NAA25: variants seen among roughly 807,000 people sequenced by gnomAD.
The protein encoded by NAA25 is N-alpha-acetyltransferase 25, NatB auxiliary subunit, also known as N-terminal acetyltransferase B complex subunit NAA25.
Under a neutral mutation model 132.5 loss-of-function variants are expected in NAA25, and 30 were observed. The ratio of observed to expected loss-of-function variants is 0.23; its 90% CI spans 0.17 to 0.31. NAA25 has a LOEUF of 0.31. NAA25 is among the 10% of genes least tolerant of loss of function. NAA25 has a pLI of 1.00. For missense variants in NAA25, 771 were observed against 1,150.4 expected, an observed-to-expected ratio of 0.67 and a Z score of 4.77; for synonymous variants, 359 against 401.9, an observed-to-expected ratio of 0.89 and a Z score of 1.28.
At position 112,033,167 on chromosome 12, in the gene NAA25, T is replaced by TGA. The variant is rs374045150; in HGVS notation, c.2796+64_2796+65dup. On this transcript the variant is annotated intron_variant, in intron 23 of 23. Coordinates refer to ENST00000261745, the MANE Select transcript of NAA25 (RefSeq NM_024953.4). ...CTTTAACTTGTCCTTGTGATAAAGA[T>TGA]GAGAGAGAGAGACAGAGTGTTTGTG... is the stretch of plus-strand genomic sequence containing the variant. 2.8e-5 allele frequency: 41 copies of TGA among 1,450,236 alleles called. No individual in the cohort carries two copies. In the East Asian group the frequency reaches 2.9e-4, roughly 10 times the overall value. The allele number at this position is 1,450,236 out of a possible 1,614,324, so 89.8% of individuals were successfully genotyped here.
chr12:112,029,282 G>T lies in NAA25; in HGVS notation c.*249C>A. 1 of 435,720 alleles carries T rather than the reference G, an allele frequency of 2.3e-6. No individual in the cohort carries two copies. 27.0% of individuals were successfully genotyped at this position (435,720 alleles called of 1,614,324 possible). ...AGAAGAAAAGTAGGGTTCTCTTGTT[G>T]CTGCCATATGCATATGAACATGTAT... is the stretch of plus-strand genomic sequence containing the variant. On this transcript the variant is annotated 3_prime_UTR_variant, in exon 24 of 24. Coordinates refer to ENST00000261745, the MANE Select transcript of NAA25 (RefSeq NM_024953.4).
intron 11 of NAA25, among the ~76,000 whole-genome samples, chr12:112,063,480 T>C (rs1190218188): frequency 3.3e-5 from 5 of 152,140 alleles, no homozygotes; most frequent in Non-Finnish European, 1.5e-5. Context: ...AAAATTTGCT[T>C]ATTCAGTGAT....
chr12:112,100,683 G>A (rs1354474288), intron 1 of NAA25, among the ~76,000 whole-genome samples: 2 of 138,112 alleles, frequency 1.4e-5, no homozygotes, highest in African/African-American at 2.7e-5. Flanking sequence ...GCAGTGGCTC[G>A]ATCTTGGCTC....
chr12:112,046,640 A>G (rs1019621134), intron 17 of NAA25, among the ~76,000 whole-genome samples: 12 of 152,254 alleles, frequency 7.9e-5, no homozygotes, highest in Non-Finnish European at 2.9e-5. Flanking sequence ...CTTGATACAT[A>G]TCACTACAAC....
intron 11 of NAA25, chr12:112,063,881 A>G (rs2078674037): frequency 6.6e-6 from 1 of 152,178 alleles, no homozygotes; most frequent in Admixed American, 6.5e-5. Context: ...ATACTATTTG[A>G]CTTTTTCAAT....
intron 15 of NAA25, 138 bp from the exon 16 acceptor site, chr12:112,048,581 G>T: frequency 1.5e-6 from 1 of 666,090 alleles, no homozygotes; most frequent in Non-Finnish European, 2.5e-6. Flanking sequence ...TCACCAAGTA[G>T]AATATTAGCT....
intron 1 of NAA25, among the ~76,000 whole-genome samples, chr12:112,095,768 T>C (rs773149258): frequency 2.6e-5 from 4 of 152,072 alleles, no homozygotes; most frequent in Admixed American, 1.3e-4. Context: ...TACATGGCAT[T>C]CTGGAAAAGG....
At chr12:112,107,056 T>TC (rs2079372931) in intron 1 of NAA25, among the ~76,000 whole-genome samples, 1 of 150,626 alleles carries the variant, frequency 6.6e-6, no homozygotes, top group Non-Finnish European at 1.5e-5. Context: ...GGTCAAGAGT[T>TC]CAAGTCCAGC....
Position 112,070,638 on chromosome 12 carries a change from C to T in NAA25, c.1036+1257G>A, listed in dbSNP as rs958529. Reference sequence around the variant, plus strand: ...CCAGGCTGAAGCTGGAGTGCGGTGGCGCGATCTTGGCTAACTGCAACCTCC... The same window carrying T: ...CCAGGCTGAAGCTGGAGTGCGGTGGTGCGATCTTGGCTAACTGCAACCTCC... On this transcript the variant is annotated intron_variant, in intron 10 of 23. Coordinates refer to ENST00000261745, the MANE Select transcript of NAA25 (RefSeq NM_024953.4). 0.055 allele frequency among the ~76,000 whole-genome samples: 8,420 copies of T among 152,092 alleles called. 1,275 individuals are homozygous for T. The East Asian group carries it at 0.61, about 11-fold the overall frequency.
chr12:112,036,317 G>A (rs2078223448), intron 22 of NAA25, among the ~76,000 whole-genome samples: 1 of 152,132 alleles, frequency 6.6e-6, no homozygotes, highest in Non-Finnish European at 1.5e-5. Context: ...AAAAAGAATT[G>A]CAAAACATTT....
At chr12:112,104,814 G>A (rs2079338590) in intron 1 of NAA25, among the ~76,000 whole-genome samples, 1 of 151,326 alleles carries the variant, frequency 6.6e-6, no homozygotes, top group South Asian at 2.1e-4. Flanking sequence ...CCAGCCTGCA[G>A]GACAGAGTGA....
chr12:112,098,229 A>G (rs2079244242), intron 1 of NAA25, among the ~76,000 whole-genome samples: 1 of 151,540 alleles, frequency 6.6e-6, no homozygotes, highest in South Asian at 2.1e-4. Flanking sequence ...TCTCATTTCC[A>G]TCAGGTCCTG....
chr12:112,032,295 T>C (rs1347751076), intron 23 of NAA25, among the ~76,000 whole-genome samples: 1 of 152,126 alleles, frequency 6.6e-6, no homozygotes, highest in Non-Finnish European at 1.5e-5. Context: ...CAATCTTTGG[T>C]AATGTGAACT....
intron 22 of NAA25, among the ~76,000 whole-genome samples, chr12:112,038,135 T>C (rs1188633865): frequency 1.3e-5 from 2 of 152,148 alleles, no homozygotes. Context: ...TACCTCAGTC[T>C]CCCAGGTAGC....
chr12:112,029,741 T>C, intron 23 of NAA25, 88 bp from the exon 24 acceptor site: 1 of 1,544,392 alleles, frequency 6.5e-7, no homozygotes, highest in Non-Finnish European at 8.7e-7. Context: ...AAGCTGCCAT[T>C]ACCTTTGGTC....
At chr12:112,095,145 T>TA (rs2079192666) in intron 1 of NAA25, among the ~76,000 whole-genome samples, 1 of 151,472 alleles carries the variant, frequency 6.6e-6, no homozygotes, top group South Asian at 2.1e-4. Flanking sequence ...CTAGAAAAAA[T>TA]TTAAAAATTT....
chr12:112,072,803 G>T (rs1207248034), intron 9 of NAA25, among the ~76,000 whole-genome samples: 1 of 151,934 alleles, frequency 6.6e-6, no homozygotes, highest in Non-Finnish European at 1.5e-5. Context: ...CAATTGTGGT[G>T]GCACACACCT....
intron 1 of NAA25, among the ~76,000 whole-genome samples, chr12:112,100,308 C>A (rs559087525): frequency 5.3e-5 from 8 of 152,176 alleles, no homozygotes; most frequent in South Asian, 4.1e-4. Context: ...ACTACAGGCT[C>A]GTACCACCAG....
chr12:112,060,167 T>C (rs1280553762), intron 13 of NAA25, 103 bp downstream of exon 13: 11 of 803,974 alleles, frequency 1.4e-5, no homozygotes, highest in Non-Finnish European at 2.0e-5. Context: ...CCTAAAAGCA[T>C]AAATAAAATT....
Sources: gnomAD v4.1 joint callset for allele counts (sites outside exome capture counted in the v4.1 genomes callset) on GRCh38, gnomAD v4.1.1 for gene constraint, MANE v1.5 for transcripts, NCBI Gene and HGNC (gene_info 2026-07-23, HGNC 2026-07-21) for gene names.